CRPPA: variants seen among roughly 807,000 people sequenced by gnomAD.
The protein encoded by CRPPA is D-ribitol-5-phosphate cytidylyltransferase.
Under a neutral mutation model 52.0 loss-of-function variants are expected in CRPPA, and 43 were observed. The ratio of observed to expected loss-of-function variants is 0.83; its 90% CI spans 0.65 to 1.07. The LOEUF is 1.07. Among genes scored for constraint, CRPPA ranks in the 50% least tolerant of loss-of-function variants. The pLI is 0.00. For missense variants in CRPPA, 629 were observed against 551.7 expected (o/e 1.14, Z -1.40); for synonymous variants, 250 against 203.5 (o/e 1.23, Z -1.94).
At chr7:16,404,933 C>A (rs1377679884) in intron 2 of CRPPA, among the ~76,000 whole-genome samples, 2 of 152,124 alleles carry the variant, frequency 1.3e-5, no homozygotes, top group African/African-American at 4.8e-5. Context: ...TGTTTAAAGG[C>A]AAATCAAAAT....
intron 9 of CRPPA, among the ~76,000 whole-genome samples, chr7:16,162,482 T>A (rs947364989): frequency 6.6e-6 from 1 of 152,108 alleles, no homozygotes; most frequent in Non-Finnish European, 1.5e-5. Flanking sequence ...CGTAGTTGTG[T>A]GGTTTTGAGT....
chr7:16,420,720 G>C (rs1788309229), intron 1 of CRPPA, among the ~76,000 whole-genome samples: 1 of 152,176 alleles, frequency 6.6e-6, no homozygotes, highest in East Asian at 1.9e-4. Context: ...CCAGGACCGC[G>C]AGACTATCCG....
chr7:16,200,753 T>C (rs923104819), intron 9 of CRPPA, among the ~76,000 whole-genome samples: 2 of 152,178 alleles, frequency 1.3e-5, no homozygotes, highest in African/African-American at 4.8e-5. Flanking sequence ...GAGTAATAAA[T>C]TGGCATATCA....
intron 9 of CRPPA, among the ~76,000 whole-genome samples, chr7:16,114,796 A>C (rs1209830668): frequency 2.6e-5 from 4 of 152,122 alleles, no homozygotes; most frequent in Non-Finnish European, 5.9e-5. Context: ...TTAACTAAAG[A>C]AGCCAGATTC....
chr7:16,136,124 A>T (rs1782757713), intron 9 of CRPPA, among the ~76,000 whole-genome samples: 3 of 152,196 alleles, frequency 2.0e-5, no homozygotes, highest in Admixed American at 1.3e-4. Context: ...TAATACTTGA[A>T]ACCAACTAAT....
chr7:16,382,243 A>G (rs1434227081), intron 2 of CRPPA, among the ~76,000 whole-genome samples: 2 of 151,910 alleles, frequency 1.3e-5, no homozygotes, highest in Non-Finnish European at 2.9e-5. Context: ...TTTCTCCTTC[A>G]CTTATGAAGC....
At chr7:16,213,714 G>A (rs923253190) in intron 9 of CRPPA, among the ~76,000 whole-genome samples, 9 of 149,814 alleles carry the variant, frequency 6.0e-5, no homozygotes, top group African/African-American at 9.9e-5. Flanking sequence ...GTGCCATTGC[G>A]CTCCAGCCTG....
At chr7:16,180,053 C>T (rs969044908) in intron 9 of CRPPA, among the ~76,000 whole-genome samples, 13 of 152,012 alleles carry the variant, frequency 8.6e-5, no homozygotes, top group Admixed American at 2.6e-4. Context: ...CTATAAGTCA[C>T]GGAGATAAAT....
intron 6 of CRPPA, chr7:16,270,291 G>A (rs972205446): frequency 1.3e-5 from 2 of 151,812 alleles, no homozygotes; most frequent in South Asian, 4.2e-4. Context: ...GTTCCTTTAG[G>A]AAGAGTAATA....
chr7:16,178,561 C>T (rs967255572), intron 9 of CRPPA, among the ~76,000 whole-genome samples: 10 of 152,128 alleles, frequency 6.6e-5, no homozygotes, highest in African/African-American at 2.4e-4. Flanking sequence ...AACGTTTTAT[C>T]CTCTGAACTA....
intron 2 of CRPPA, among the ~76,000 whole-genome samples, chr7:16,398,850 G>T (rs1394390424): frequency 6.6e-6 from 1 of 152,042 alleles, no homozygotes; most frequent in African/African-American, 2.4e-5. Context: ...CGCGATTTAC[G>T]TAACTGGCAT....
chr7:16,194,834 T>G (rs1340117134), intron 9 of CRPPA, among the ~76,000 whole-genome samples: 1 of 118,732 alleles, frequency 8.4e-6, no homozygotes, highest in Non-Finnish European at 1.8e-5. Flanking sequence ...TAAAACCTTG[T>G]TTTTGGTCTT....
At chr7:16,404,184 A>G (rs950124343) in intron 2 of CRPPA, among the ~76,000 whole-genome samples, 6 of 152,194 alleles carry the variant, frequency 3.9e-5, no homozygotes, top group Non-Finnish European at 7.3e-5. Context: ...TTTCTAAAAG[A>G]AACTGTATTT....
At chr7:16,277,983 G>T in intron 6 of CRPPA, 146 bp downstream of exon 6, 1 of 628,884 alleles carries the variant, frequency 1.6e-6, no homozygotes. Flanking sequence ...CCTAAGTGCT[G>T]GCAGACCAAA....
intron 9 of CRPPA, among the ~76,000 whole-genome samples, chr7:16,203,007 T>C (rs922185999): frequency 2.0e-5 from 3 of 152,202 alleles, no homozygotes; most frequent in Admixed American, 1.3e-4. Flanking sequence ...TTATTTTTAG[T>C]GTATGTAACT....
chr7:16,294,599 T>C (rs1332306206), intron 5 of CRPPA, among the ~76,000 whole-genome samples: 1 of 152,040 alleles, frequency 6.6e-6, no homozygotes, highest in Admixed American at 6.6e-5. Context: ...AGTCACAGTA[T>C]TCTTTGAGAG....
At chr7:16,163,917 A>G (rs747573083) in intron 9 of CRPPA, among the ~76,000 whole-genome samples, 2 of 152,148 alleles carry the variant, frequency 1.3e-5, no homozygotes, top group Non-Finnish European at 2.9e-5. Flanking sequence ...CTTTGTGGGT[A>G]ACCTGACCTT....
At chr7:16,296,991 T>C (rs1784687531) in intron 5 of CRPPA, among the ~76,000 whole-genome samples, 1 of 152,194 alleles carries the variant, frequency 6.6e-6, no homozygotes, top group South Asian at 2.1e-4. Context: ...AGCTGAGCTT[T>C]ATAAACCACT....
rs748272265 is a variant in CRPPA at position 16,258,409 on chromosome 7, T to C, written c.1100A>G (p.Tyr367Cys). The C allele has an allele frequency of 1.4e-5, 22 of 1,602,078 alleles. 2 individuals are homozygous for C. In the South Asian group the frequency reaches 2.4e-4, roughly 17 times the overall value. ...MLEESSLCIL[Y>C]PVVVVSVHFL... is the part of the protein sequence containing the mutation. ...ACTTACTGAAACAACAACAACAGGATATAAAATGCAAAGACTACTCTCTTC... is the reference window on the plus strand; with the variant it reads ...ACTTACTGAAACAACAACAACAGGACATAAAATGCAAAGACTACTCTCTTC... The change falls in exon 8 of 10, where the codon TAT (tyrosine) becomes TGT (cysteine). Residue 367 changes from tyrosine (Y) to cysteine (C), a missense_variant. Transcript: ENST00000407010.
Sources: allele counts gnomAD v4.1 joint callset (sites outside exome capture counted in the v4.1 genomes callset), GRCh38; gene constraint gnomAD v4.1.1; transcripts MANE v1.5; gene names NCBI Gene and HGNC (gene_info 2026-07-23, HGNC 2026-07-21).